Variants in EDIL3 observed in about 807,000 individuals in gnomAD.
EDIL3 encodes the protein EGF-like repeat and discoidin I-like domain-containing protein 3.
In EDIL3, 37 loss-of-function variants were observed where a neutral mutation model predicts 67.4. The observed-to-expected ratio is 0.55, with a 90% confidence interval of 0.42 to 0.72. The LOEUF is 0.72. Ranked by LOEUF, EDIL3 falls within the 30% of genes least tolerant of loss-of-function variation. The probability of loss-of-function intolerance (pLI) is 0.00; values close to 1 mark genes in which losing one functional copy is unlikely to be tolerated. For synonymous variants in EDIL3, 195 were observed against 196.3 expected, an observed-to-expected ratio of 0.99 and a Z score of 0.05; for missense variants, 527 against 586.3, an observed-to-expected ratio of 0.90 and a Z score of 1.04.
At chr5:84,279,008 T>C in intron 1 of EDIL3, among the ~76,000 whole-genome samples, 1 of 150,674 alleles carries the variant, frequency 6.6e-6, no homozygotes, top group Non-Finnish European at 1.5e-5. Flanking sequence ...GGTAAAATCC[T>C]TCTATGCCTC....
intron 1 of EDIL3, among the ~76,000 whole-genome samples, chr5:84,315,924 C>G (rs1390549342): frequency 1.3e-5 from 2 of 152,158 alleles, no homozygotes; most frequent in East Asian, 3.9e-4. Flanking sequence ...AACAGAAACT[C>G]TACATGCCAG....
At chr5:84,064,641 A>C in intron 8 of EDIL3, 59 bp downstream of exon 8, 1 of 1,538,778 alleles carries the variant, frequency 6.5e-7, no homozygotes. Context: ...CAGGCTACAT[A>C]CAAATATGCT....
At chr5:84,260,321 T>C (rs140314909) in intron 1 of EDIL3, among the ~76,000 whole-genome samples, 1 of 152,248 alleles carries the variant, frequency 6.6e-6, no homozygotes, top group African/African-American at 2.4e-5. Flanking sequence ...CGAAGAGCAT[T>C]CTAGGCACAG....
At chr5:84,381,334 T>C (rs759981576) in intron 1 of EDIL3, among the ~76,000 whole-genome samples, 3 of 152,284 alleles carry the variant, frequency 2.0e-5, no homozygotes, top group Non-Finnish European at 2.9e-5. Flanking sequence ...TTAATTCTTA[T>C]TTTAATTTGA....
intron 3 of EDIL3, chr5:84,197,110 T>G (rs1265727243): frequency 6.6e-6 from 1 of 152,020 alleles, no homozygotes; most frequent in Non-Finnish European, 1.5e-5. Flanking sequence ...ATTAAGTACA[T>G]GCCATGTGTG....
chr5:84,034,541 G>T (rs1195505206), intron 9 of EDIL3, among the ~76,000 whole-genome samples: 1 of 152,012 alleles, frequency 6.6e-6, no homozygotes, highest in East Asian at 1.9e-4. Context: ...ATCTGTCTTC[G>T]ACCCATCTTA....
intron 10 of EDIL3, among the ~76,000 whole-genome samples, chr5:83,959,252 G>A (rs1048574804): frequency 1.4e-5 from 2 of 147,536 alleles, no homozygotes; most frequent in African/African-American, 5.0e-5. Flanking sequence ...TATATATACG[G>A]CATTGCTTTT....
intron 4 of EDIL3, among the ~76,000 whole-genome samples, chr5:84,158,804 G>A (rs1255096096): frequency 1.3e-5 from 2 of 152,004 alleles, no homozygotes; most frequent in African/African-American, 4.8e-5. Flanking sequence ...CTTAATTTTG[G>A]TAATGGGGTG....
chr5:84,138,529 C>T (rs1472714836), intron 4 of EDIL3, among the ~76,000 whole-genome samples: 3 of 152,064 alleles, frequency 2.0e-5, no homozygotes, highest in African/African-American at 7.2e-5. Context: ...CTTCTGATAC[C>T]CTATAACATA....
At position 84,159,410 on chromosome 5, in the gene EDIL3, A is replaced by T. The variant is rs1479352023; in HGVS notation, c.355+20983T>A. Among the ~76,000 whole-genome samples, 5 of 152,140 alleles carry T rather than the reference A, an allele frequency of 3.3e-5. 1 individual carries two copies. The highest frequency in any genetic ancestry group is 3.4e-3 in the Middle Eastern group (1 of 294). On this transcript the variant is annotated intron_variant, in intron 4 of 10. Coordinates refer to ENST00000296591, the MANE Select transcript of EDIL3 (RefSeq NM_005711.5). ...AAATTAGCTAGAATCAGAAAATATG[A>T]TTTATATAAATGTAATAAAACTCAT...
At chr5:84,056,275 C>A (rs189268909) in intron 9 of EDIL3, among the ~76,000 whole-genome samples, 2 of 151,722 alleles carry the variant, frequency 1.3e-5, no homozygotes, top group East Asian at 3.9e-4. Flanking sequence ...GAACAATGAG[C>A]ACACTTGGAC....
intron 6 of EDIL3, among the ~76,000 whole-genome samples, chr5:84,099,057 C>G (rs116448517): frequency 6.6e-6 from 1 of 151,950 alleles, no homozygotes; most frequent in African/African-American, 2.4e-5. Context: ...TGTGAAGGAC[C>G]CTTTCAAGAA....
chr5:84,381,820 T>C (rs1187061984), intron 1 of EDIL3, among the ~76,000 whole-genome samples: 1 of 152,236 alleles, frequency 6.6e-6, no homozygotes, highest in African/African-American at 2.4e-5. Context: ...AAATATTCAA[T>C]CTGACTGATC....
intron 5 of EDIL3, among the ~76,000 whole-genome samples, chr5:84,128,251 T>A (rs949699741): frequency 3.9e-5 from 6 of 152,016 alleles, no homozygotes; most frequent in Non-Finnish European, 5.9e-5. Context: ...GTTTGAAAAA[T>A]TGTGCACATT....
At chr5:84,083,363 G>T (rs189639593) in intron 6 of EDIL3, among the ~76,000 whole-genome samples, 1 of 152,112 alleles carries the variant, frequency 6.6e-6, no homozygotes, top group Non-Finnish European at 1.5e-5. Context: ...TTTAGGGTAT[G>T]CAAAGAGGCT....
chr5:84,056,268 C>T (rs926921866), intron 9 of EDIL3, among the ~76,000 whole-genome samples: 2 of 151,402 alleles, frequency 1.3e-5, no homozygotes, highest in Non-Finnish European at 1.5e-5. Context: ...GGGAATTGAA[C>T]AATGAGCACA....
chr5:84,296,355 G>C (rs1746050533), intron 1 of EDIL3, among the ~76,000 whole-genome samples: 1 of 152,226 alleles, frequency 6.6e-6, no homozygotes, highest in East Asian at 1.9e-4. Context: ...GTAAGTAAAA[G>C]TTATATTCTA....
At chr5:84,304,936 A>C (rs1746236144) in intron 1 of EDIL3, among the ~76,000 whole-genome samples, 1 of 152,244 alleles carries the variant, frequency 6.6e-6, no homozygotes, top group Non-Finnish European at 1.5e-5. Context: ...AAGTAAGTAG[A>C]ATCTTCATCA....
intron 3 of EDIL3, among the ~76,000 whole-genome samples, chr5:84,205,096 T>G (rs1456675649): frequency 7.2e-6 from 1 of 138,964 alleles, no homozygotes; most frequent in Non-Finnish European, 1.6e-5. Context: ...TTTTTTTTTT[T>G]GTAGAGATAG....
Sources: gnomAD v4.1 joint callset for allele counts (sites outside exome capture counted in the v4.1 genomes callset) on GRCh38, gnomAD v4.1.1 for gene constraint, MANE v1.5 for transcripts, NCBI Gene and HGNC (gene_info 2026-07-23, HGNC 2026-07-21) for gene names.